MYOM2: variants seen among roughly 807,000 people sequenced by gnomAD.
MYOM2 encodes the protein myomesin-2.
A neutral mutation model predicts 187.6 loss-of-function variants in MYOM2; 254 were observed. The observed-to-expected ratio is 1.35, with a 90% CI of 1.22 to 1.50. MYOM2 has a LOEUF of 1.50. MYOM2 is among the 40% of genes most tolerant of loss of function. MYOM2 has a pLI of 0.00. For missense variants in MYOM2, 2,796 were observed against 1,924.0 expected (o/e 1.45, Z -8.48); for synonymous variants, 981 against 753.8 (o/e 1.30, Z -4.94).
Position 2,072,409 on chromosome 8 carries a change from C to G in MYOM2, c.858C>G (p.Val286=), listed in dbSNP as rs772934990. The G allele has an allele frequency of 1.9e-6, 3 of 1,614,198 alleles. No individual in the cohort carries two copies. Among genetic ancestry groups the G allele is most frequent in the Non-Finnish European group, 2.5e-6 (3 of 1,180,044 alleles). ...TCCAGTTTTTGGAGAAGTTTGGGGT[C>G]ACCTTCAGGAGGGAAGGCGAGACGG... ...FDVQFLEKFG[V]TFRREGETVT... The change falls in exon 9 of 37, where the codon GTC becomes GTG. Residue 286 remains valine, a synonymous_variant. Coordinates refer to ENST00000262113, the MANE Select transcript of MYOM2 (RefSeq NM_003970.4).
intron 25 of MYOM2, among the ~76,000 whole-genome samples, chr8:2,111,391 C>G (rs895317905): frequency 6.6e-6 from 1 of 152,328 alleles, no homozygotes; most frequent in East Asian, 1.9e-4. Flanking sequence ...CATTGCAGCA[C>G]AGCAGCTAAG....
At chr8:2,124,152 A>G (rs1468191253) in intron 30 of MYOM2, 27 bp from the exon 31 acceptor site, 21 of 1,605,106 alleles carry the variant, frequency 1.3e-5, no homozygotes, top group Non-Finnish European at 1.8e-5. Context: ...ACATGTCGTA[A>G]TGGTGCGTAT....
intron 16 of MYOM2, 101 bp from the exon 17 acceptor site, chr8:2,093,868 CA>C (rs759238626): frequency 1.7e-4 from 233 of 1,390,810 alleles, no homozygotes; most frequent in Middle Eastern, 5.2e-4. Flanking sequence ...GTATGTTATC[CA>C]TAAAAATTTT....
At chr8:2,128,813 T>A (rs765366006) in intron 31 of MYOM2, among the ~76,000 whole-genome samples, 22 of 152,224 alleles carry the variant, frequency 1.4e-4, no homozygotes, top group Admixed American at 8.5e-4. Context: ...TGCCATGCAC[T>A]GTTGTTATTT....
rs1404272951 is a variant in MYOM2, at chr8:2,144,878, C to T, written c.4295C>T (p.Thr1432Ile). 4 of 1,614,008 alleles carry T rather than the reference C, an allele frequency of 2.5e-6. No individual in the cohort carries two copies. The highest frequency in any genetic ancestry group is 1.3e-5 in the African/African-American group (1 of 74,920). Residue 1432 changes from threonine (T) to isoleucine (I), a missense_variant, in exon 37 of 37, where the codon ACA (threonine) becomes ATA (isoleucine). Transcript: ENST00000262113. ...NKYGGEKIDV[T>I]VSVYKHGEKI... ...TATGGCGGGGAGAAGATCGACGTGA[C>T]AGTGAGCGTGTACAAACACGGGGAG...
intron 17 of MYOM2, among the ~76,000 whole-genome samples, chr8:2,094,378 G>C (rs1796411681): frequency 6.6e-6 from 1 of 152,162 alleles, no homozygotes; most frequent in African/African-American, 2.4e-5. Flanking sequence ...CTGTAGGCTG[G>C]CGCAATGGCT....
intron 6 of MYOM2, among the ~76,000 whole-genome samples, chr8:2,059,988 T>A (rs11136461): frequency 3.3e-5 from 5 of 152,048 alleles, no homozygotes; most frequent in South Asian, 4.1e-4. Context: ...GTGATCCACC[T>A]GCCTCGGTCT....
intron 13 of MYOM2, among the ~76,000 whole-genome samples, chr8:2,083,524 G>T (rs1312450321): frequency 3.3e-5 from 5 of 152,200 alleles, no homozygotes; most frequent in African/African-American, 1.2e-4. Context: ...TCTCACGTGT[G>T]CTTAGCGGCA....
intron 32 of MYOM2, among the ~76,000 whole-genome samples, chr8:2,139,580 AG>A (rs1381209691): frequency 3.9e-5 from 6 of 152,164 alleles, no homozygotes; most frequent in African/African-American, 1.2e-4. Context: ...GGCAAGGGTA[AG>A]GAAAGATGCC....
rs182327159 is a variant in MYOM2 at position 2,108,340 on chromosome 8, G to T, written c.2999-446G>T. 1.5e-3 allele frequency among the ~76,000 whole-genome samples: 231 copies of T among 150,704 alleles called. 2 individuals are homozygous for T. The highest frequency in any genetic ancestry group is 5.6e-3 in the African/African-American group (228 of 40,982). On this transcript the variant is annotated intron_variant, in intron 23 of 36. Transcript: ENST00000262113. ...ACACTATAGTGATGAAATGAGCGGT[G>T]TGTATATCTTTCTTTAATGAGATTG...
Position 2,123,413 on chromosome 8 carries a change from T to G in MYOM2, c.3567+48T>G, listed in dbSNP as rs373462745. The G allele has an allele frequency of 3.3e-6, 5 of 1,516,908 alleles. No individual in the cohort carries two copies. The East Asian group carries it at 1.1e-4, about 34-fold the overall frequency. The allele number at this position is 1,516,908 out of a possible 1,614,324, so 94.0% of individuals were successfully genotyped here. ...AGAAAGCAAAACAAAAACGGCACTT[T>G]CAAATAACTCGTAAATTCTACAATC... On this transcript the variant is annotated intron_variant, in intron 29 of 36. Coordinates refer to ENST00000262113, the MANE Select transcript of MYOM2 (RefSeq NM_003970.4).
intron 3 of MYOM2, among the ~76,000 whole-genome samples, chr8:2,056,402 G>T (rs975044189): frequency 2.0e-5 from 3 of 152,162 alleles, no homozygotes; most frequent in Non-Finnish European, 4.4e-5. Flanking sequence ...GAGGCTGAAA[G>T]AGCTCCTGCA....
chr8:2,099,008 C>A, intron 19 of MYOM2, 25 bp downstream of exon 19: 3 of 1,579,242 alleles, frequency 1.9e-6, no homozygotes, highest in Non-Finnish European at 2.6e-6. Flanking sequence ...CCAGGACACC[C>A]GCGTTCCAGC....
chr8:2,065,745 T>G (rs900194530), intron 6 of MYOM2, among the ~76,000 whole-genome samples: 9 of 152,196 alleles, frequency 5.9e-5, no homozygotes, highest in African/African-American at 2.2e-4. Flanking sequence ...CTCAGAATAT[T>G]ATCCAATTAC....
chr8:2,131,060 T>C (rs1203667853), intron 32 of MYOM2, among the ~76,000 whole-genome samples: 1 of 152,072 alleles, frequency 6.6e-6, no homozygotes, highest in African/African-American at 2.4e-5. Flanking sequence ...CCTTGTGTGG[T>C]TTGTAGTACA....
intron 36 of MYOM2, among the ~76,000 whole-genome samples, chr8:2,144,294 G>C (rs1227556673): frequency 6.6e-6 from 1 of 152,242 alleles, no homozygotes; most frequent in African/African-American, 2.4e-5. Flanking sequence ...TGGTAAGAGG[G>C]ATCCATAACT....
rs200356012 is a variant in MYOM2 at position 2,078,774 on chromosome 8, G to C, written c.1303G>C (p.Ala435Pro). 2 of 1,614,136 alleles carry C rather than the reference G, an allele frequency of 1.2e-6. No individual in the cohort carries two copies. The highest frequency in any genetic ancestry group is 1.3e-5 in the African/African-American group (1 of 75,022). Residue 435 changes from alanine (A) to proline (P), a missense_variant, in exon 12 of 37, where the codon GCA becomes CCA. Ala to Pro is a conservative substitution (Grantham distance 27). Coordinates refer to ENST00000262113, the MANE Select transcript of MYOM2 (RefSeq NM_003970.4). ...GTNNWVQCND[A>P]PVKICKYPVT... is the part of the protein sequence containing the mutation. ...GAATAATTGGGTGCAGTGCAATGAT[G>C]CACCGGTGAAAATCTGCAAATACCC...
At chr8:2,094,545 G>A (rs758202082) in intron 17 of MYOM2, among the ~76,000 whole-genome samples, 1 of 152,154 alleles carries the variant, frequency 6.6e-6, no homozygotes, top group Non-Finnish European at 1.5e-5. Context: ...CCAGCTACTC[G>A]ATAGGCTGAG....
rs900497713 is a variant in MYOM2, at chr8:2,072,281, A to G, written c.794-64A>G. The G allele has an allele frequency of 1.5e-5, 17 of 1,133,706 alleles. 1 individual carries two copies. In the African/African-American group the frequency reaches 2.6e-4, roughly 17 times the overall value. 70.2% of individuals were successfully genotyped at this position (1,133,706 alleles called of 1,614,324 possible). Reference sequence around the variant, plus strand: ...AGATGCTCTCTGCCCTTCGGCCATGAAAGCCTCCATCGTTTCATGCTCTCT... The same window carrying G: ...AGATGCTCTCTGCCCTTCGGCCATGGAAGCCTCCATCGTTTCATGCTCTCT... On this transcript the variant is annotated intron_variant, in intron 8 of 36. Coordinates refer to ENST00000262113, the MANE Select transcript of MYOM2 (RefSeq NM_003970.4).
Sources: gnomAD v4.1 joint callset for allele counts (sites outside exome capture counted in the v4.1 genomes callset) on GRCh38, gnomAD v4.1.1 for gene constraint, MANE v1.5 for transcripts, NCBI Gene and HGNC (gene_info 2026-07-23, HGNC 2026-07-21) for gene names.